Variants in ESCO1 observed in about 807,000 individuals in gnomAD.
ESCO1 encodes N-acetyltransferase ESCO1.
Under a neutral mutation model 83.5 loss-of-function variants are expected in ESCO1, and 33 were observed. The ratio of observed to expected loss-of-function variants is 0.40; its 90% CI spans 0.30 to 0.53. The LOEUF is 0.53. Ranked by LOEUF, ESCO1 falls within the 20% of genes least tolerant of loss-of-function variation. The pLI, the probability that ESCO1 is intolerant of heterozygous loss-of-function variation, is 0.63. For missense variants in ESCO1, 855 were observed against 968.0 expected (o/e 0.88, Z 1.55); for synonymous variants, 332 against 324.3 (o/e 1.02, Z -0.25).
At chr18:21,549,333 G>A (rs2038015054) in intron 8 of ESCO1, among the ~76,000 whole-genome samples, 1 of 152,124 alleles carries the variant, frequency 6.6e-6, no homozygotes, top group Non-Finnish European at 1.5e-5. Flanking sequence ...ACAGCAGAGT[G>A]CTGAATGAGA....
chr18:21,561,294 A>G (rs1407097403), intron 7 of ESCO1, among the ~76,000 whole-genome samples: 1 of 152,214 alleles, frequency 6.6e-6, no homozygotes, highest in Non-Finnish European at 1.5e-5. Context: ...AATGAGAACT[A>G]ATATATATTT....
intron 1 of ESCO1, among the ~76,000 whole-genome samples, chr18:21,590,220 C>T (rs2038644761): frequency 6.6e-6 from 1 of 150,472 alleles, no homozygotes; most frequent in Admixed American, 6.6e-5. Context: ...CACATGAACC[C>T]TTTTTCTTTT....
chr18:21,571,158 G>A (rs760366832), intron 4 of ESCO1, among the ~76,000 whole-genome samples: 3 of 151,922 alleles, frequency 2.0e-5, no homozygotes, highest in African/African-American at 4.8e-5. Flanking sequence ...ATTTCAAACC[G>A]TAAGATTTTT....
intron 5 of ESCO1, 83 bp from the exon 6 acceptor site, chr18:21,566,289 G>T: frequency 7.8e-7 from 1 of 1,280,012 alleles, no homozygotes; most frequent in South Asian, 1.4e-5. Flanking sequence ...TATACATAAA[G>T]AAAAAAACCT....
At chr18:21,589,832 CTT>C (rs1204793309) in intron 1 of ESCO1, among the ~76,000 whole-genome samples, 2 of 126,616 alleles carry the variant, frequency 1.6e-5, no homozygotes, top group African/African-American at 5.0e-5. Flanking sequence ...GCAAGTCCGT[CTT>C]TTTTTTCCTC....
intron 1 of ESCO1, among the ~76,000 whole-genome samples, chr18:21,586,272 G>A (rs141377997): frequency 1.3e-5 from 2 of 152,290 alleles, no homozygotes; most frequent in Non-Finnish European, 2.9e-5. Flanking sequence ...ATAAGAACGA[G>A]AATATGCAGT....
At position 21,568,012 on chromosome 18, in the gene ESCO1, G is replaced by A. The variant is rs1318544700; in HGVS notation, c.1613C>T (p.Ala538Val). Residue 538 changes from alanine to valine, a missense_variant, in exon 5 of 12, where the codon GCA (alanine) becomes GTA (valine). Coordinates refer to ENST00000269214, the MANE Select transcript of ESCO1 (RefSeq NM_052911.3). ...TTTATTCTCTCCTGTATCAATTTTTGCTTGACTGAGCAGAGTCGAAGCAGC... is the reference window on the plus strand; with the variant it reads ...TTTATTCTCTCCTGTATCAATTTTTACTTGACTGAGCAGAGTCGAAGCAGC... ...VTAASTLLSQAKIDTGENKFP... is the reference protein window; with the variant it reads ...VTAASTLLSQVKIDTGENKFP... 6.2e-7 allele frequency: 1 copy of A among 1,613,000 alleles called. No individual in the cohort carries two copies. The highest frequency in any genetic ancestry group is 8.5e-7 in the Non-Finnish European group (1 of 1,179,652).
At chr18:21,589,254 T>C (rs995357257) in intron 1 of ESCO1, among the ~76,000 whole-genome samples, 86 of 149,166 alleles carry the variant, frequency 5.8e-4, no homozygotes, top group African/African-American at 1.9e-3. Context: ...AAAAAAAAAA[T>C]AGATAACATC....
In ESCO1 at chr18:21,574,090, C is replaced by G; in HGVS notation, c.754G>C (p.Ala252Pro). 1 of 1,612,898 alleles carries G rather than the reference C, an allele frequency of 6.2e-7. No individual in the cohort carries two copies. Among genetic ancestry groups the G allele is most frequent in the South Asian group, 1.1e-5 (1 of 91,074 alleles). Residue 252 changes from alanine (A) to proline (P), a missense_variant, in exon 4 of 12, where the codon GCT becomes CCT. By Grantham distance (27) the Ala-to-Pro change is conservative. This residue lies in a region of ESCO1 where 726 missense variants were observed against 699.5 expected (regional missense o/e 1.04). Transcript: ENST00000269214. ...TTCTTTTTCGGGACCACTGAAGTAG[C>G]CATTTTTGATCTTTTCACCTCAGAA... is the stretch of plus-strand genomic sequence containing the variant. ...VTSEVKRSKMATSVVPKKNEM... is the reference protein window; with the variant it reads ...VTSEVKRSKMPTSVVPKKNEM...
intron 8 of ESCO1, among the ~76,000 whole-genome samples, chr18:21,559,878 A>G (rs2146196951): frequency 6.6e-6 from 1 of 152,316 alleles, no homozygotes; most frequent in South Asian, 2.1e-4. Flanking sequence ...GTAGAGAACC[A>G]AAAAAGTAAA....
intron 2 of ESCO1, among the ~76,000 whole-genome samples, chr18:21,577,753 G>GA (rs1367067234): frequency 6.6e-6 from 1 of 151,920 alleles, no homozygotes. Flanking sequence ...TAGAAGGAGT[G>GA]AAACAGGAGG....
At chr18:21,566,859 CAA>C (rs770904408) in intron 5 of ESCO1, among the ~76,000 whole-genome samples, 9 of 64,300 alleles carry the variant, frequency 1.4e-4, no homozygotes, top group Admixed American at 1.8e-4. Context: ...GGCTCTGCCT[CAA>C]AAAAAAAAAA....
intron 8 of ESCO1, among the ~76,000 whole-genome samples, chr18:21,543,929 AT>A (rs1464788092): frequency 6.6e-6 from 1 of 152,314 alleles, no homozygotes; most frequent in East Asian, 1.9e-4. Context: ...CAATTAATTC[AT>A]TTATTGAAGG....
At chr18:21,579,792 GCGCACA>G (rs1465826644) in intron 2 of ESCO1, among the ~76,000 whole-genome samples, 9,460 of 134,976 alleles carry the variant, frequency 0.07, 560 homozygotes, top group East Asian at 0.19. Context: ...ACACGCGCGC[GCGCACA>G]CACACACACA....
intron 10 of ESCO1, among the ~76,000 whole-genome samples, chr18:21,535,517 G>A (rs2037825308): frequency 6.6e-6 from 1 of 152,022 alleles, no homozygotes; most frequent in Non-Finnish European, 1.5e-5. Context: ...CCAATAGCTG[G>A]GACTACAGGC....
chr18:21,568,403 T>C (rs143127080), intron 4 of ESCO1, among the ~76,000 whole-genome samples: 3 of 152,154 alleles, frequency 2.0e-5, no homozygotes, highest in Non-Finnish European at 4.4e-5. Flanking sequence ...CTGGACAACA[T>C]AGTGACACCC....
At chr18:21,558,674 C>T (rs1429730349) in intron 8 of ESCO1, among the ~76,000 whole-genome samples, 2 of 148,252 alleles carry the variant, frequency 1.3e-5, no homozygotes, top group African/African-American at 5.0e-5. Context: ...AGGCAGTGAG[C>T]CAAGATTGCA....
chr18:21,550,216 A>C (rs1039942874), intron 8 of ESCO1, among the ~76,000 whole-genome samples: 1 of 152,208 alleles, frequency 6.6e-6, no homozygotes, highest in African/African-American at 2.4e-5. Flanking sequence ...GAACAAGAAG[A>C]GTCTCATCAA....
At chr18:21,589,579 G>A (rs1387336558) in intron 1 of ESCO1, among the ~76,000 whole-genome samples, 1 of 151,990 alleles carries the variant, frequency 6.6e-6, no homozygotes, top group Non-Finnish European at 1.5e-5. Flanking sequence ...ATTTACTGAA[G>A]GACTTTTTCC....
Sources: allele counts gnomAD v4.1 joint callset (sites outside exome capture counted in the v4.1 genomes callset), GRCh38; gene constraint gnomAD v4.1.1; regional missense constraint gnomAD v4.1.1; transcripts MANE v1.5; gene names NCBI Gene and HGNC (gene_info 2026-07-23, HGNC 2026-07-21).